Variants in FBXO8 observed in about 807,000 individuals in gnomAD.
The protein encoded by FBXO8 is F-box only protein 8.
In FBXO8, 15 loss-of-function variants were observed where a neutral mutation model predicts 33.4. The observed-to-expected ratio is 0.45, with a 90% CI of 0.30 to 0.69. The LOEUF (loss-of-function observed/expected upper bound fraction) is 0.69, where lower values mean the gene tolerates loss of function less well. Among genes scored for constraint, FBXO8 ranks in the 30% least tolerant of loss-of-function variants. The pLI is 0.08. For synonymous variants in FBXO8, 132 were observed against 131.5 expected (o/e 1.00, Z -0.02); for missense variants, 274 against 380.3 (o/e 0.72, Z 2.32).
rs962282138 is a variant in FBXO8, at chr4:174,251,728, G to A, written c.456+7971C>T. Among the ~76,000 whole-genome samples the A allele has an allele frequency of 6.6e-6, 1 of 152,128 alleles. No individual in the cohort carries two copies. The highest frequency in any genetic ancestry group is 2.4e-5 in the African/African-American group (1 of 41,436). On this transcript the variant is annotated intron_variant, in intron 3 of 5. Coordinates refer to ENST00000393674, the MANE Select transcript of FBXO8 (RefSeq NM_012180.3). This position sits in a 1 kb window ranked among gnomAD's most constrained non-coding sequence, Gnocchi z 4.2. The stretch of plus-strand genomic sequence containing the variant: ...GAAGGTATTAAGTTGTCTAGGCAGA[G>A]GAAGAGGCTATTTAGTGTCTGAGAG...
chr4:174,238,675 CATATAAATTTGTAATATATATATTTAT>C (rs1433701216), intron 5 of FBXO8, among the ~76,000 whole-genome samples: 1 of 147,988 alleles, frequency 6.8e-6, no homozygotes, highest in Non-Finnish European at 1.5e-5. Context: ...CATTTGTATA[CATATAAATTTGTAATATATATATTTAT>C]ATATAAATTT....
At position 174,251,315 on chromosome 4, in the gene FBXO8, C is replaced by T. The variant is rs546768868; in HGVS notation, c.456+8384G>A. On this transcript the variant is annotated intron_variant, in intron 3 of 5. Coordinates refer to ENST00000393674, the MANE Select transcript of FBXO8 (RefSeq NM_012180.3). The surrounding 1 kb of genome is among the most constrained non-coding windows in gnomAD (Gnocchi z 4.2). ...GAATAAACTATGGAATATTCTAGGGCCTGAATCTCTTTTTCAACCAGATAA... is the reference window on the plus strand; with the variant it reads ...GAATAAACTATGGAATATTCTAGGGTCTGAATCTCTTTTTCAACCAGATAA... Among the ~76,000 whole-genome samples, 125 of 152,170 alleles carry T rather than the reference C, an allele frequency of 8.2e-4. No homozygotes were observed. Among genetic ancestry groups the T allele is most frequent in the African/African-American group, 2.8e-3 (116 of 41,512 alleles).
rs952332172 is a variant in FBXO8 at position 174,254,674 on chromosome 4, G to T, written c.456+5025C>A. Among the ~76,000 whole-genome samples, 1 of 152,028 alleles carries T rather than the reference G, an allele frequency of 6.6e-6. No homozygotes were observed. The highest frequency in any genetic ancestry group is 1.5e-5 in the Non-Finnish European group (1 of 67,996). On this transcript the variant is annotated intron_variant, in intron 3 of 5. Transcript: ENST00000393674. The surrounding 1 kb of genome is among the most constrained non-coding windows in gnomAD (Gnocchi z 4.2). ...AATACTTCCCTTTCCAAATCAGATG[G>T]TAATCAAAATATAAAATGGAAAAAT... is the stretch of plus-strand genomic sequence containing the variant.
chr4:174,252,217 C>T lies in FBXO8; in HGVS notation c.456+7482G>A, dbSNP rs562752503. Among the ~76,000 whole-genome samples the T allele has an allele frequency of 2.6e-5, 4 of 152,236 alleles. No homozygotes were observed. The South Asian group carries it at 8.3e-4, about 32-fold the overall frequency. ...CTCCTGAGCTCAAGTTATCCACCCA[C>T]CTTGGTCTCCCAAATTGCTAGGATG... On this transcript the variant is annotated intron_variant, in intron 3 of 5. Transcript: ENST00000393674. The surrounding 1 kb of genome is among the most constrained non-coding windows in gnomAD (Gnocchi z 5.1).
intron 3 of FBXO8, among the ~76,000 whole-genome samples, chr4:174,258,201 G>A (rs927197321): frequency 6.6e-6 from 1 of 152,030 alleles, no homozygotes; most frequent in Non-Finnish European, 1.5e-5. Flanking sequence ...CCACAGTGCA[G>A]GATAAAAAAA....
Position 174,237,541 on chromosome 4 carries a change from A to G in FBXO8, c.831T>C (p.Pro277=). The G allele has an allele frequency of 6.2e-7, 1 of 1,613,632 alleles. No individual in the cohort carries two copies. Among genetic ancestry groups the G allele is most frequent in the African/African-American group, 1.3e-5 (1 of 75,036 alleles). ...LILLSIDLTS[P]HVKNKMSKRE... is the part of the protein sequence containing the mutation. ...TTTTTGACATTTTATTCTTCACATG[A>G]GGGCTAGTGAGGTCAATGGAAAGTA... Residue 277 remains proline (P), a synonymous_variant, in exon 6 of 6, where the codon CCT becomes CCC. Coordinates refer to ENST00000393674, the MANE Select transcript of FBXO8 (RefSeq NM_012180.3). The surrounding 1 kb of genome is among the most constrained non-coding windows in gnomAD (Gnocchi z 4.4).
rs375284530 is a variant in FBXO8, at chr4:174,272,755, G to A, written c.-8-9655C>T. On this transcript the variant is annotated intron_variant, in intron 1 of 5. Transcript: ENST00000393674. The surrounding 1 kb of genome is among the most constrained non-coding windows in gnomAD (Gnocchi z 4.7). ...AATGGAATACTTACAGAATCCCAAA[G>A]TATCTTCCCACATATCAGTCATTAA... 1.4e-3 allele frequency among the ~76,000 whole-genome samples: 218 copies of A among 152,218 alleles called. 10 individuals are homozygous for A. In the South Asian group the frequency reaches 0.043, roughly 30 times the overall value.
At chr4:174,273,114 CCT>C (rs1235002434) in intron 1 of FBXO8, among the ~76,000 whole-genome samples, 1 of 151,710 alleles carries the variant, frequency 6.6e-6, no homozygotes, top group Non-Finnish European at 1.5e-5. Flanking sequence ...ATAGCGAGAC[CCT>C]GTCTCTATAA....
chr4:174,249,207 CAATT>C (rs570963013), intron 3 of FBXO8, among the ~76,000 whole-genome samples: 602 of 152,060 alleles, frequency 4.0e-3, no homozygotes, highest in African/African-American at 0.014. Context: ...TTACTACTAT[CAATT>C]AAATGTAACA....
intron 1 of FBXO8, among the ~76,000 whole-genome samples, chr4:174,266,206 C>A (rs972939031): frequency 6.6e-6 from 1 of 151,806 alleles, no homozygotes; most frequent in Non-Finnish European, 1.5e-5. Flanking sequence ...AGAAAGCATC[C>A]GGCAGGTAGA....
Position 174,239,160 on chromosome 4 carries a change from C to T in FBXO8, c.606G>A (p.Leu202=). 1 of 1,591,670 alleles carries T rather than the reference C, an allele frequency of 6.3e-7. No individual in the cohort carries two copies. The highest frequency in any genetic ancestry group is 8.6e-7 in the Non-Finnish European group (1 of 1,167,380). Residue 202 remains leucine, a synonymous_variant, in exon 5 of 6, where the codon TTG becomes TTA. Transcript: ENST00000393674. ...RRDVLDDLVT[L]HNFRNQFLPN... ...GCAAGAACTGATTTCTAAAATTATG[C>T]AATGTTACAAGGTCATCCAAGACAT...
At position 174,267,829 on chromosome 4, in the gene FBXO8, AT is replaced by A. The variant is rs1736727602; in HGVS notation, c.-8-4730del. Among the ~76,000 whole-genome samples the A allele has an allele frequency of 6.6e-6, 1 of 152,250 alleles. No homozygotes were observed. The highest frequency in any genetic ancestry group is 2.4e-5 in the African/African-American group (1 of 41,460). Reference sequence around the variant, plus strand: ...TCACTTGCAGCAATTGTTAGGTAAAATAAAATTCAGCTGCAATGTGGAATCA... The same window carrying A: ...TCACTTGCAGCAATTGTTAGGTAAAAAAAATTCAGCTGCAATGTGGAATCA... On this transcript the variant is annotated intron_variant, in intron 1 of 5. Coordinates refer to ENST00000393674, the MANE Select transcript of FBXO8 (RefSeq NM_012180.3). The surrounding 1 kb of genome is among the most constrained non-coding windows in gnomAD (Gnocchi z 4.7).
rs1735921333 is a variant in FBXO8, at chr4:174,237,781, T to C, written c.773-182A>G. 6.6e-6 allele frequency among the ~76,000 whole-genome samples: 1 copy of C among 152,130 alleles called. No homozygotes were observed. The highest frequency in any genetic ancestry group is 1.5e-5 in the Non-Finnish European group (1 of 67,970). ...CAGTTTTGCACTGAAAGTCCTGTCA[T>C]CCTGGGAAACTCAATCCTGAGCAAA... On this transcript the variant is annotated intron_variant, in intron 5 of 5. Coordinates refer to ENST00000393674, the MANE Select transcript of FBXO8 (RefSeq NM_012180.3). The surrounding 1 kb of genome is among the most constrained non-coding windows in gnomAD (Gnocchi z 4.4).
At position 174,274,358 on chromosome 4, in the gene FBXO8, G is replaced by A. The variant is rs895279465; in HGVS notation, c.-9+9052C>T. Among the ~76,000 whole-genome samples, 1 of 152,190 alleles carries A rather than the reference G, an allele frequency of 6.6e-6. No individual in the cohort carries two copies. Among genetic ancestry groups the A allele is most frequent in the Non-Finnish European group, 1.5e-5 (1 of 68,040 alleles). The stretch of plus-strand genomic sequence containing the variant: ...CATTTATGGAACTTAACCCATAGTA[G>A]GTAGTTTACAATAAAAGGTAGTTTC... On this transcript the variant is annotated intron_variant, in intron 1 of 5. Coordinates refer to ENST00000393674, the MANE Select transcript of FBXO8 (RefSeq NM_012180.3). This position sits in a 1 kb window ranked among gnomAD's most constrained non-coding sequence, Gnocchi z 4.0.
chr4:174,243,230 A>G (rs1023362624), intron 3 of FBXO8, among the ~76,000 whole-genome samples: 2 of 151,416 alleles, frequency 1.3e-5, no homozygotes, highest in Non-Finnish European at 3.0e-5. Context: ...TCCCAAATCA[A>G]TCAAATACAT....
Position 174,261,064 on chromosome 4 carries a change from T to A in FBXO8, c.330-1239A>T, listed in dbSNP as rs1736547844. On this transcript the variant is annotated intron_variant, in intron 2 of 5. Coordinates refer to ENST00000393674, the MANE Select transcript of FBXO8 (RefSeq NM_012180.3). The surrounding 1 kb of genome is among the most constrained non-coding windows in gnomAD (Gnocchi z 4.1). ...ATGAGACTACCCTCTTAGTAGTTGA[T>A]TTATACTGCTGCATTATTTTTACCC... 6.6e-6 allele frequency among the ~76,000 whole-genome samples: 1 copy of A among 151,964 alleles called. No homozygotes were observed. The highest frequency in any genetic ancestry group is 2.4e-5 in the African/African-American group (1 of 41,434).
chr4:174,250,057 T>C (rs1015529238), intron 3 of FBXO8, among the ~76,000 whole-genome samples: 4 of 152,018 alleles, frequency 2.6e-5, no homozygotes, highest in African/African-American at 4.8e-5. Context: ...AGTATAAACA[T>C]AGAGTTACAG....
chr4:174,249,704 T>C (rs1736242689), intron 3 of FBXO8, among the ~76,000 whole-genome samples: 1 of 152,038 alleles, frequency 6.6e-6, no homozygotes, highest in Admixed American at 6.6e-5. Context: ...CTGTTCATCC[T>C]GCCAACATTG....
Position 174,255,825 on chromosome 4 carries a change from TA to T in FBXO8, c.456+3873del, listed in dbSNP as rs1252186918. On this transcript the variant is annotated intron_variant, in intron 3 of 5. Coordinates refer to ENST00000393674, the MANE Select transcript of FBXO8 (RefSeq NM_012180.3). This position sits in a 1 kb window ranked among gnomAD's most constrained non-coding sequence, Gnocchi z 4.3. Reference sequence around the variant, plus strand: ...TAAAATTACTTCATTATACTACTGCTAGTGGAATAAAATTGACACACACAAC... The same window carrying T: ...TAAAATTACTTCATTATACTACTGCTGTGGAATAAAATTGACACACACAAC... Among the ~76,000 whole-genome samples the T allele has an allele frequency of 6.6e-6, 1 of 152,218 alleles. No individual in the cohort carries two copies. The highest frequency in any genetic ancestry group is 1.5e-5 in the Non-Finnish European group (1 of 68,038).
Sources: gnomAD v4.1 joint callset for allele counts (sites outside exome capture counted in the v4.1 genomes callset) on GRCh38, gnomAD v4.1.1 for gene constraint, Gnocchi (gnomAD v3.1) non-coding constraint, MANE v1.5 for transcripts, NCBI Gene and HGNC (gene_info 2026-07-23, HGNC 2026-07-21) for gene names.